The following XYLT1 variants were observed in gnomAD, a reference collection of about 807,000 sequenced individuals.
XYLT1 encodes xylosyltransferase 1.
XYLT1 carries 36 observed loss-of-function variants against 91.3 expected under a neutral mutation model. The observed-to-expected ratio is 0.39, with a 90% CI of 0.30 to 0.52. The LOEUF (loss-of-function observed/expected upper bound fraction) is 0.52. Among genes scored for constraint, XYLT1 ranks in the 20% least tolerant of loss-of-function variants. The pLI is 0.68. For synonymous variants in XYLT1, 588 were observed against 532.0 expected (o/e 1.11, Z -1.45); for missense variants, 1,242 against 1,284.5 (o/e 0.97, Z 0.51).
rs1453961557 is a variant in XYLT1, at chr16:17,385,330, GC to G, written c.364-27281del. Among the ~76,000 whole-genome samples the G allele has an allele frequency of 3.3e-5, 5 of 149,460 alleles. No homozygotes were observed. The Admixed American group carries it at 3.4e-4, about 10-fold the overall frequency. On this transcript the variant is annotated intron_variant, in intron 1 of 11. Transcript: ENST00000261381. ...CACACACCTATGTACTCCACTGTTGGCCTCCCTGGAACATCTGCCAGAGGCT... is the reference window on the plus strand; with the variant it reads ...CACACACCTATGTACTCCACTGTTGGCTCCCTGGAACATCTGCCAGAGGCT...
intron 11 of XYLT1, among the ~76,000 whole-genome samples, chr16:17,111,072 A>G (rs893203137): frequency 5.9e-5 from 9 of 152,160 alleles, no homozygotes; most frequent in Non-Finnish European, 8.8e-5. Context: ...AGGCAGGAGA[A>G]TCGTTTGAAC....
At chr16:17,240,590 C>T (rs1410918774) in intron 3 of XYLT1, among the ~76,000 whole-genome samples, 1 of 152,202 alleles carries the variant, frequency 6.6e-6, no homozygotes, top group African/African-American at 2.4e-5. Context: ...ATTGGAAGGT[C>T]TTGCTGCTGG....
At chr16:17,168,283 C>G (rs1456533560) in intron 5 of XYLT1, among the ~76,000 whole-genome samples, 1 of 152,156 alleles carries the variant, frequency 6.6e-6, no homozygotes, top group African/African-American at 2.4e-5. Context: ...AAATCATGTC[C>G]TTTGCTGCAA....
chr16:17,230,864 A>C (rs1042745065), intron 3 of XYLT1, among the ~76,000 whole-genome samples: 3 of 152,184 alleles, frequency 2.0e-5, no homozygotes, highest in Admixed American at 6.5e-5. Flanking sequence ...GACATTTTTC[A>C]TTGCCACAAC....
At chr16:17,464,054 G>A (rs538213324) in intron 1 of XYLT1, among the ~76,000 whole-genome samples, 31 of 152,158 alleles carry the variant, frequency 2.0e-4, no homozygotes, top group Non-Finnish European at 3.7e-4. Context: ...AGAAGATAGA[G>A]AGTAGATAGG....
Position 17,259,388 on chromosome 16 carries a change from C to T in XYLT1, c.513G>A (p.Arg171=). The T allele has an allele frequency of 6.2e-7, 1 of 1,614,178 alleles. No individual in the cohort carries two copies. The highest frequency in any genetic ancestry group is 2.2e-5 in the East Asian group (1 of 44,884). The change falls in exon 3 of 12, where the codon AGG becomes AGA. Residue 171 remains arginine, a synonymous_variant. Coordinates refer to ENST00000261381, the MANE Select transcript of XYLT1 (RefSeq NM_022166.4). ...ENVDNSNFAP[R]TQKQKHQPEL... is the part of the protein sequence containing the mutation. ...CAGGCTGGTGCTTCTGCTTTTGAGT[C>T]CTGGGTGCGAAGTTGCTGTTGTCGA...
At chr16:17,439,585 C>G (rs2141940235) in intron 1 of XYLT1, among the ~76,000 whole-genome samples, 1 of 152,220 alleles carries the variant, frequency 6.6e-6, no homozygotes, top group Middle Eastern at 3.4e-3. Flanking sequence ...AAGCCCTAAA[C>G]AGAAGATAAT....
At chr16:17,268,686 T>C (rs117786246) in intron 2 of XYLT1, among the ~76,000 whole-genome samples, 13,647 of 150,766 alleles carry the variant, frequency 0.091, 809 homozygotes, top group Non-Finnish European at 0.15. Flanking sequence ...TTTTTTTTTT[T>C]CTGAGACGGA....
At chr16:17,271,687 C>T (rs1294207205) in intron 2 of XYLT1, among the ~76,000 whole-genome samples, 2 of 152,138 alleles carry the variant, frequency 1.3e-5, no homozygotes, top group African/African-American at 2.4e-5. Flanking sequence ...CTTGTTACAA[C>T]CAAAAATGTC....
intron 1 of XYLT1, among the ~76,000 whole-genome samples, chr16:17,401,397 T>C (rs1022084369): frequency 6.6e-6 from 1 of 152,172 alleles, no homozygotes; most frequent in Non-Finnish European, 1.5e-5. Flanking sequence ...TGGGCACATA[T>C]TTAGCATTTG....
Position 17,259,170 on chromosome 16 carries a change from C to T in XYLT1, c.731G>A (p.Gly244Asp). 6.3e-7 allele frequency: 1 copy of T among 1,599,302 alleles called. No homozygotes were observed. The change falls in exon 3 of 12, where the codon GGC (glycine) becomes GAC (aspartate). Residue 244 changes from glycine (G) to aspartate (D), a missense_variant. This residue lies in a region of XYLT1 where 437 missense variants were observed against 411.5 expected (regional missense o/e 1.06). Transcript: ENST00000261381. ...GTCATACTTGGTCTCGGGGGAGCTG[C>T]CCCCAGTTTTCCTGGCATGAGGCGG... is the stretch of plus-strand genomic sequence containing the variant. ...SRPPHARKTG[G>D]SSPETKYDQP...
chr16:17,213,075 TGGA>T (rs1446923832), intron 3 of XYLT1, among the ~76,000 whole-genome samples: 4 of 152,198 alleles, frequency 2.6e-5, no homozygotes, highest in Non-Finnish European at 5.9e-5. Flanking sequence ...CCCACAGTGT[TGGA>T]GGTGGGACCT....
intron 1 of XYLT1, among the ~76,000 whole-genome samples, chr16:17,457,259 C>T (rs376040338): frequency 5.9e-5 from 9 of 152,270 alleles, no homozygotes; most frequent in African/African-American, 2.2e-4. Flanking sequence ...ATCTGGAGCC[C>T]ACACCTGACT....
intron 2 of XYLT1, among the ~76,000 whole-genome samples, chr16:17,343,141 C>T (rs1019058596): frequency 6.6e-6 from 1 of 152,224 alleles, no homozygotes. Flanking sequence ...GACCCTTTCA[C>T]AGAGTCCAGG....
At chr16:17,190,209 C>T (rs756482319) in intron 5 of XYLT1, among the ~76,000 whole-genome samples, 7 of 152,172 alleles carry the variant, frequency 4.6e-5, no homozygotes, top group African/African-American at 7.2e-5. Context: ...GATTAGAGAG[C>T]GTACGGTTGC....
At chr16:17,423,427 T>A (rs1237734622) in intron 1 of XYLT1, among the ~76,000 whole-genome samples, 1 of 152,090 alleles carries the variant, frequency 6.6e-6, no homozygotes, top group Non-Finnish European at 1.5e-5. Context: ...GATTGTTTTT[T>A]CCTCAAGGGC....
chr16:17,437,917 G>A (rs756188559), intron 1 of XYLT1, among the ~76,000 whole-genome samples: 2 of 152,102 alleles, frequency 1.3e-5, no homozygotes, highest in Non-Finnish European at 2.9e-5. Flanking sequence ...CTTTCTGGAC[G>A]GGATCATACA....
chr16:17,428,398 C>T lies in XYLT1; in HGVS notation c.363+42036G>A, dbSNP rs117076613. On this transcript the variant is annotated intron_variant, in intron 1 of 11. Coordinates refer to ENST00000261381, the MANE Select transcript of XYLT1 (RefSeq NM_022166.4). ...TCACTTTCCAGCTGTGTGCTCTTGA[C>T]CATGTTAAATCTGAGAGCCTCAGAC... Among the ~76,000 whole-genome samples the T allele has an allele frequency of 3.2e-3, 492 of 152,216 alleles. 1 individual carries two copies. Among genetic ancestry groups the T allele is most frequent in the Non-Finnish European group, 5.4e-3 (370 of 68,014 alleles).
intron 2 of XYLT1, among the ~76,000 whole-genome samples, chr16:17,313,706 C>T (rs914880093): frequency 6.6e-6 from 1 of 150,762 alleles, no homozygotes; most frequent in Non-Finnish European, 1.5e-5. Flanking sequence ...AAAAAAAGTT[C>T]ATAGGAATCC....
Sources: allele counts gnomAD v4.1 joint callset (sites outside exome capture counted in the v4.1 genomes callset), GRCh38; gene constraint gnomAD v4.1.1; regional missense constraint gnomAD v4.1.1; transcripts MANE v1.5; gene names NCBI Gene and HGNC (gene_info 2026-07-23, HGNC 2026-07-21).